Variants in BRIP1 observed in about 807,000 individuals in gnomAD.
BRIP1 encodes BRCA1 interacting DNA helicase 1.
A neutral mutation model predicts 119.7 loss-of-function variants in BRIP1; 88 were observed. That is an observed-to-expected ratio of 0.74 (90% CI 0.62 to 0.88). BRIP1 has a LOEUF of 0.88. Among genes scored for constraint, BRIP1 ranks in the 40% least tolerant of loss-of-function variants. The pLI, the probability that BRIP1 is intolerant of heterozygous loss-of-function variation, is 0.00. For missense variants in BRIP1, 1,259 were observed against 1,455.4 expected (o/e 0.87, Z 2.20); for synonymous variants, 443 against 496.5 (o/e 0.89, Z 1.43).
chr17:61,766,070 T>C (rs529555239), intron 14 of BRIP1, among the ~76,000 whole-genome samples: 7 of 152,202 alleles, frequency 4.6e-5, no homozygotes, highest in South Asian at 2.1e-4. Context: ...TAAGTGCATA[T>C]TGTTCTAAAT....
In BRIP1 at chr17:61,681,530, C is replaced by G. The variant is rs1271902554; in HGVS notation, c.*1766G>C. On this transcript the variant is annotated 3_prime_UTR_variant, in exon 20 of 20. Coordinates refer to ENST00000259008, the MANE Select transcript of BRIP1 (RefSeq NM_032043.3). This position sits in a 1 kb window ranked among gnomAD's most constrained non-coding sequence, Gnocchi z 5.1. ...TCTTGTCTTCTACCAGGTATTTATT[C>G]GTTTCACTACCCTACTATCCCTATC... 4.8e-6 allele frequency: 1 copy of G among 207,322 alleles called. No individual in the cohort carries two copies. Among genetic ancestry groups the G allele is most frequent in the African/African-American group, 2.3e-5 (1 of 43,902 alleles). The allele number at this position is 207,322 out of a possible 1,614,324, so 12.8% of individuals were successfully genotyped here. A position where few individuals can be genotyped will look rare whatever the true frequency, so the allele number is the denominator to read the frequency against.
intron 6 of BRIP1, among the ~76,000 whole-genome samples, chr17:61,811,659 G>T (rs2078163824): frequency 6.6e-6 from 1 of 151,772 alleles, no homozygotes; most frequent in Non-Finnish European, 1.5e-5. Context: ...CCATTTAAAA[G>T]ATTCGGTACA....
At chr17:61,801,924 T>C (rs1197482042) in intron 7 of BRIP1, among the ~76,000 whole-genome samples, 3 of 152,134 alleles carry the variant, frequency 2.0e-5, no homozygotes, top group East Asian at 3.9e-4. Context: ...CTTTGAGCCA[T>C]GTGATAGTAT....
rs1052477488 is a variant in BRIP1 at position 61,680,640 on chromosome 17, T to C, written c.*2656A>G. 1.1e-4 allele frequency among the ~76,000 whole-genome samples: 16 copies of C among 151,562 alleles called. No homozygotes were observed. The highest frequency in any genetic ancestry group is 4.4e-5 in the Non-Finnish European group (3 of 67,846). On this transcript the variant is annotated 3_prime_UTR_variant, in exon 20 of 20. Transcript: ENST00000259008. The stretch of plus-strand genomic sequence containing the variant: ...GACTACAGGCGCCCGCCACCACGCC[T>C]GGCTAATTTTTTGTATTTTTAGTAG...
At chr17:61,837,797 T>C (rs2078597270) in intron 6 of BRIP1, among the ~76,000 whole-genome samples, 1 of 151,970 alleles carries the variant, frequency 6.6e-6, no homozygotes, top group Admixed American at 6.6e-5. Context: ...AGAAAATAAA[T>C]CTGAACTGTA....
rs876660074 is a variant in BRIP1 at position 61,683,309 on chromosome 17, G to A, written c.3737C>T (p.Pro1246Leu). 27 of 1,609,234 alleles carry A rather than the reference G, an allele frequency of 1.7e-5. No homozygotes were observed. The highest frequency in any genetic ancestry group is 2.3e-5 in the Non-Finnish European group (27 of 1,176,258). The part of the protein sequence containing the change: ...PSPSKNKGMF[P>L]GFK Reference sequence around the variant, plus strand: ...AGTTAAGTATTATTACTTAAAACCAGGAAACATGCCTTTATTTTTGGAAGG... The same window carrying A: ...AGTTAAGTATTATTACTTAAAACCAAGAAACATGCCTTTATTTTTGGAAGG... The change falls in exon 20 of 20, where the codon CCT (proline) becomes CTT (leucine). Residue 1246 changes from proline (P) to leucine (L), a missense_variant. This residue lies in a region of BRIP1 where 753 missense variants were observed against 891.8 expected (regional missense o/e 0.84). Coordinates refer to ENST00000259008, the MANE Select transcript of BRIP1 (RefSeq NM_032043.3). This position sits in a 1 kb window ranked among gnomAD's most constrained non-coding sequence, Gnocchi z 4.7.
chr17:61,840,943 C>T (rs2078649367), intron 6 of BRIP1, among the ~76,000 whole-genome samples: 1 of 152,072 alleles, frequency 6.6e-6, no homozygotes, highest in Admixed American at 6.6e-5. Context: ...TGATTTTCAA[C>T]AAAGATGCCA....
rs2078510954 is a variant in BRIP1 at position 61,832,643 on chromosome 17, T to C, written c.627+14458A>G. ...AGATAAGCTGTAATATTCTGAAGTG[T>C]CAAAATCATGACAGTCAAGGAAAGA... On this transcript the variant is annotated intron_variant, in intron 6 of 19. Transcript: ENST00000259008. This position sits in a 1 kb window ranked among gnomAD's most constrained non-coding sequence, Gnocchi z 5.5. Among the ~76,000 whole-genome samples, 1 of 152,076 alleles carries C rather than the reference T, an allele frequency of 6.6e-6. No homozygotes were observed. Among genetic ancestry groups the C allele is most frequent in the South Asian group, 2.1e-4 (1 of 4,826 alleles).
At chr17:61,702,246 AGTTGTT>A (rs145898869) in intron 17 of BRIP1, among the ~76,000 whole-genome samples, 17 of 151,956 alleles carry the variant, frequency 1.1e-4, no homozygotes, top group East Asian at 3.9e-4. Flanking sequence ...ATTGATCTAT[AGTTGTT>A]GTTGTTGTTG....
intron 6 of BRIP1, among the ~76,000 whole-genome samples, chr17:61,829,959 T>C (rs2078465584): frequency 6.7e-6 from 1 of 149,918 alleles, no homozygotes; most frequent in Non-Finnish European, 1.5e-5. Context: ...TGAGACGGAG[T>C]TTCGCTCTTG....
rs1433789468 is a variant in BRIP1 at position 61,680,467 on chromosome 17, C to A, written c.*2829G>T. On this transcript the variant is annotated 3_prime_UTR_variant, in exon 20 of 20. Transcript: ENST00000259008. ...AATTTTCTCATGTAGTTTACCAATTCTAAAGGTAATTTCTTTTTTTTTTTT... is the reference window on the plus strand; with the variant it reads ...AATTTTCTCATGTAGTTTACCAATTATAAAGGTAATTTCTTTTTTTTTTTT... Among the ~76,000 whole-genome samples the A allele has an allele frequency of 7.0e-6, 1 of 142,694 alleles. No homozygotes were observed. Among genetic ancestry groups the A allele is most frequent in the South Asian group, 2.3e-4 (1 of 4,398 alleles). The allele number at this position is 142,694 out of a possible 152,430, so 93.6% of individuals were successfully genotyped here. A position where few individuals can be genotyped will look rare whatever the true frequency, so the allele number is the denominator to read the frequency against.
rs1424963140 is a variant in BRIP1, at chr17:61,690,257, G to A, written c.2575+3173C>T. On this transcript the variant is annotated intron_variant, in intron 18 of 19. Coordinates refer to ENST00000259008, the MANE Select transcript of BRIP1 (RefSeq NM_032043.3). This position sits in a 1 kb window ranked among gnomAD's most constrained non-coding sequence, Gnocchi z 5.6. ...CAACACAAAAGCATAAAGTTTGCTC[G>A]TGAAGTTAAAAGTGTACACAAATAC... 2.0e-5 allele frequency among the ~76,000 whole-genome samples: 3 copies of A among 152,144 alleles called. No individual in the cohort carries two copies. Among genetic ancestry groups the A allele is most frequent in the Non-Finnish European group, 4.4e-5 (3 of 68,026 alleles).
At position 61,683,957 on chromosome 17, in the gene BRIP1, G is replaced by A. The variant is rs767255426; in HGVS notation, c.3089C>T (p.Ala1030Val). 1.2e-6 allele frequency: 2 copies of A among 1,614,102 alleles called. No homozygotes were observed. Among genetic ancestry groups the A allele is most frequent in the South Asian group, 2.2e-5 (2 of 91,078 alleles). The part of the protein sequence containing the change: ...TPELGSSENS[A>V]SSPPRFKTEK... ...TGTTTTGAAACGGGGAGGACTAGAG[G>A]CACTATTCTCTGATGACCCGAGCTC... Residue 1030 changes from alanine to valine, a missense_variant, in exon 20 of 20, where the codon GCC becomes GTC. Ala to Val is a moderately conservative substitution (Grantham distance 64). Around this residue, in one of 3 missense-constraint regions of BRIP1, gnomAD observed 753 missense variants for 891.8 expected, o/e 0.84. Coordinates refer to ENST00000259008, the MANE Select transcript of BRIP1 (RefSeq NM_032043.3). This position sits in a 1 kb window ranked among gnomAD's most constrained non-coding sequence, Gnocchi z 4.7.
At position 61,825,292 on chromosome 17, in the gene BRIP1, A is replaced by G. The variant is rs1449010930; in HGVS notation, c.628-16535T>C. On this transcript the variant is annotated intron_variant, in intron 6 of 19. Transcript: ENST00000259008. This position sits in a 1 kb window ranked among gnomAD's most constrained non-coding sequence, Gnocchi z 4.1. ...AGAGCAAGACTCTGTCTCAAAACGA[A>G]AAAAAAAAGAAAAGAAAAGAAAAGA... is the stretch of plus-strand genomic sequence containing the variant. Among the ~76,000 whole-genome samples, 1 of 150,856 alleles carries G rather than the reference A, an allele frequency of 6.6e-6. No homozygotes were observed. The highest frequency in any genetic ancestry group is 1.5e-5 in the Non-Finnish European group (1 of 67,658).
rs1289648562 is a variant in BRIP1, at chr17:61,801,326, C to T, written c.1067G>A (p.Arg356Gln). Residue 356 changes from arginine (R) to glutamine (Q), a missense_variant, in exon 8 of 20, where the codon CGA becomes CAA. Arg to Gln is a conservative substitution (Grantham distance 43, BLOSUM62 1). Coordinates refer to ENST00000259008, the MANE Select transcript of BRIP1 (RefSeq NM_032043.3). ...KLKACPYYTA[R>Q]ELIQDADIIF... ...GATGTCAGCATCTTGTATTAGTTCT[C>T]GGGCTGTGTAATATGGACAGGCCTT... is the stretch of plus-strand genomic sequence containing the variant. The T allele has an allele frequency of 5.0e-6, 8 of 1,614,004 alleles. No individual in the cohort carries two copies. The highest frequency in any genetic ancestry group is 6.8e-6 in the Non-Finnish European group (8 of 1,179,952).
In BRIP1 at chr17:61,809,047, T is replaced by A. The variant is rs1333720246; in HGVS notation, c.628-290A>T. On this transcript the variant is annotated intron_variant, in intron 6 of 19. Coordinates refer to ENST00000259008, the MANE Select transcript of BRIP1 (RefSeq NM_032043.3). The surrounding 1 kb of genome is among the most constrained non-coding windows in gnomAD (Gnocchi z 5.2). ...TGTTTTGAGTACATTTTAACTCTCC[T>A]CTTTCATAAATTATAAAAATGATAA... 6.6e-6 allele frequency among the ~76,000 whole-genome samples: 1 copy of A among 152,178 alleles called. No individual in the cohort carries two copies. Among genetic ancestry groups the A allele is most frequent in the African/African-American group, 2.4e-5 (1 of 41,456 alleles).
intron 9 of BRIP1, among the ~76,000 whole-genome samples, chr17:61,797,703 C>A (rs962468783): frequency 2.0e-5 from 3 of 151,816 alleles, no homozygotes; most frequent in Non-Finnish European, 1.5e-5. Context: ...GATTTTAATT[C>A]CCTAATATAT....
At position 61,770,770 on chromosome 17, in the gene BRIP1, G is replaced by A. The variant is rs2077436932; in HGVS notation, c.2097+5631C>T. Among the ~76,000 whole-genome samples, 1 of 151,954 alleles carries A rather than the reference G, an allele frequency of 6.6e-6. No individual in the cohort carries two copies. Among genetic ancestry groups the A allele is most frequent in the South Asian group, 2.1e-4 (1 of 4,798 alleles). Reference sequence around the variant, plus strand: ...CTAAAAAATACACAGTAAAAGAAAAGCCAAGGGAATTAAAGTGACACATTA... The same window carrying A: ...CTAAAAAATACACAGTAAAAGAAAAACCAAGGGAATTAAAGTGACACATTA... On this transcript the variant is annotated intron_variant, in intron 14 of 19. Transcript: ENST00000259008. The surrounding 1 kb of genome is among the most constrained non-coding windows in gnomAD (Gnocchi z 4.7).
intron 11 of BRIP1, 40 bp downstream of exon 11, chr17:61,784,230 A>G (rs1455367688): frequency 1.3e-5 from 20 of 1,582,932 alleles, no homozygotes; most frequent in East Asian, 6.7e-5. Context: ...AAATTAGGCT[A>G]TTTTTAAAAG....
Sources: gnomAD v4.1 joint callset for allele counts (sites outside exome capture counted in the v4.1 genomes callset) on GRCh38, gnomAD v4.1.1 for gene constraint, gnomAD v4.1.1 regional missense constraint, Gnocchi (gnomAD v3.1) non-coding constraint, MANE v1.5 for transcripts, NCBI Gene and HGNC (gene_info 2026-07-23, HGNC 2026-07-21) for gene names.